Variants in CRADD observed in about 807,000 individuals in gnomAD.
CRADD encodes CARD and death domain containing adaptor protein.
Under a neutral mutation model 15.5 loss-of-function variants are expected in CRADD, and 9 were observed. The ratio of observed to expected loss-of-function variants is 0.58; its 90% confidence interval spans 0.35 to 1.01. The LOEUF is 1.01. CRADD is among the 50% of genes least tolerant of loss of function. CRADD has a pLI of 0.02. For synonymous variants in CRADD, 118 were observed against 107.6 expected, an observed-to-expected ratio of 1.10 and a Z score of -0.60; for missense variants, 227 against 250.3, an observed-to-expected ratio of 0.91 and a Z score of 0.63.
intron 2 of CRADD, among the ~76,000 whole-genome samples, chr12:93,820,497 C>T (rs925558876): frequency 6.0e-5 from 9 of 150,162 alleles, no homozygotes; most frequent in African/African-American, 9.8e-5. Context: ...TGCAGTGAGC[C>T]GAGATCATAC....
intron 2 of CRADD, among the ~76,000 whole-genome samples, chr12:93,755,680 C>T (rs1956882645): frequency 6.6e-6 from 1 of 152,208 alleles, no homozygotes; most frequent in African/African-American, 2.4e-5. Context: ...AGTGCATTAG[C>T]TCATGGCCAG....
chr12:93,874,489 C>G (rs948716545), intron 2 of CRADD, among the ~76,000 whole-genome samples: 12 of 151,356 alleles, frequency 7.9e-5, no homozygotes, highest in African/African-American at 2.9e-4. Context: ...GTTTGGTTTG[C>G]TCTTGCTTTT....
intron 2 of CRADD, among the ~76,000 whole-genome samples, chr12:93,823,240 C>G (rs918928212): frequency 4.0e-5 from 6 of 150,056 alleles, no homozygotes; most frequent in Admixed American, 2.7e-4. Flanking sequence ...TGCAGTGAGC[C>G]AAGATTGTGC....
chr12:93,769,298 A>G (rs1321750927), intron 2 of CRADD, among the ~76,000 whole-genome samples: 1 of 151,948 alleles, frequency 6.6e-6, no homozygotes. Flanking sequence ...TGCCCAGGCT[A>G]GTTTCGAACT....
intron 2 of CRADD, among the ~76,000 whole-genome samples, chr12:93,870,733 T>C (rs1958411680): frequency 6.6e-6 from 1 of 152,132 alleles, no homozygotes; most frequent in Non-Finnish European, 1.5e-5. Flanking sequence ...CGTTATAGAG[T>C]GGGGATGTCA....
chr12:93,851,118 G>C (rs1052980785), downstream of CRADD, among the ~76,000 whole-genome samples: 17 of 152,206 alleles, frequency 1.1e-4, no homozygotes, highest in African/African-American at 3.9e-4. Context: ...TAAGGAGTAT[G>C]ATTTAGTCTT....
chr12:93,736,824 C>T (rs1956577890), intron 2 of CRADD, among the ~76,000 whole-genome samples: 1 of 152,220 alleles, frequency 6.6e-6, no homozygotes, highest in East Asian at 1.9e-4. Flanking sequence ...GTACTAGGCT[C>T]ATTCCAGTTA....
At chr12:93,876,610 TG>T (rs947412078) in intron 2 of CRADD, among the ~76,000 whole-genome samples, 15 of 152,182 alleles carry the variant, frequency 9.9e-5, no homozygotes, top group Admixed American at 3.3e-4. Context: ...TAAAGGACTC[TG>T]ATGCATTCTT....
intron 2 of CRADD, among the ~76,000 whole-genome samples, chr12:93,874,117 T>C (rs1169470583): frequency 2.0e-5 from 3 of 152,106 alleles, no homozygotes; most frequent in African/African-American, 7.2e-5. Flanking sequence ...GGATTCTATT[T>C]CATTACTTGT....
chr12:93,887,105 G>A (rs147060289), intron 2 of CRADD, among the ~76,000 whole-genome samples: 283 of 152,314 alleles, frequency 1.9e-3, no homozygotes, highest in African/African-American at 6.7e-3. Context: ...AGGGTTCAGT[G>A]CATTTTGAAT....
chr12:93,865,147 A>G (rs1840894898), intron 2 of CRADD, among the ~76,000 whole-genome samples: 1 of 152,116 alleles, frequency 6.6e-6, no homozygotes, highest in East Asian at 1.9e-4. Flanking sequence ...AAAACATCCC[A>G]AGCTCCGGTG....
At chr12:93,689,637 C>G (rs1955520546) in intron 2 of CRADD, among the ~76,000 whole-genome samples, 1 of 152,144 alleles carries the variant, frequency 6.6e-6, no homozygotes, top group Admixed American at 6.5e-5. Flanking sequence ...TGTTCATGTT[C>G]TATTTATGCT....
At chr12:93,884,770 A>G (rs1958524727) in intron 2 of CRADD, among the ~76,000 whole-genome samples, 1 of 152,228 alleles carries the variant, frequency 6.6e-6, no homozygotes. Context: ...TTTTAGCTGA[A>G]CTAAGGAGAA....
intron 2 of CRADD, among the ~76,000 whole-genome samples, chr12:93,797,001 C>T (rs527381578): frequency 6.6e-6 from 1 of 152,288 alleles, no homozygotes; most frequent in Admixed American, 6.5e-5. Context: ...TGGGACCAAC[C>T]CCTCCTCTTC....
chr12:93,784,462 C>T (rs913948758), intron 2 of CRADD, among the ~76,000 whole-genome samples: 33 of 152,024 alleles, frequency 2.2e-4, no homozygotes, highest in Admixed American at 2.1e-3. Context: ...AAACCCAGGC[C>T]GTCTGACCCC....
chr12:93,849,127 A>T (rs1271842294), intron 2 of CRADD: 1 of 152,238 alleles, frequency 6.6e-6, no homozygotes, highest in Non-Finnish European at 1.5e-5. Context: ...CGGCGAGGGT[A>T]GCTGTTTGGT....
At position 93,678,945 on chromosome 12, in the gene CRADD, G is replaced by A. The variant is rs772979282; in HGVS notation, c.171G>A (p.Leu57=). 1.4e-5 allele frequency: 22 copies of A among 1,614,018 alleles called. No individual in the cohort carries two copies. In the Admixed American group the frequency reaches 3.7e-4, roughly 27 times the overall value. The change falls in exon 2 of 3, where the codon CTG becomes CTA. Residue 57 remains leucine (L), a synonymous_variant. Coordinates refer to ENST00000332896, the MANE Select transcript of CRADD (RefSeq NM_003805.5). ...CAGGCCTCCGGAAAACAATGCTCCT[G>A]CTGGATATCCTACCTTCCAGGGGCC... ...QTTGLRKTML[L]LDILPSRGPK...
intron 2 of CRADD, among the ~76,000 whole-genome samples, chr12:93,772,163 T>C (rs1957091214): frequency 6.6e-6 from 1 of 152,228 alleles, no homozygotes; most frequent in South Asian, 2.1e-4. Flanking sequence ...GTTGACATCC[T>C]TTGTGACTGT....
At chr12:93,876,681 C>A (rs1958459742) in intron 2 of CRADD, among the ~76,000 whole-genome samples, 1 of 152,042 alleles carries the variant, frequency 6.6e-6, no homozygotes, top group Non-Finnish European at 1.5e-5. Context: ...TTAATTATTT[C>A]AATCTCATTG....
Sources: gnomAD v4.1 joint callset for allele counts (sites outside exome capture counted in the v4.1 genomes callset) on GRCh38, gnomAD v4.1.1 for gene constraint, MANE v1.5 for transcripts, NCBI Gene and HGNC (gene_info 2026-07-23, HGNC 2026-07-21) for gene names.